The following GOLT1A variants were observed in gnomAD, a reference collection of about 807,000 sequenced individuals.
GOLT1A encodes golgi transport 1A, also known as vesicle transport protein GOT1A.
Under a neutral mutation model 16.1 loss-of-function variants are expected in GOLT1A, and 10 were observed. That is an observed-to-expected ratio of 0.62 (90% CI 0.38 to 1.05). The LOEUF is 1.05. GOLT1A is among the 50% of genes least tolerant of loss of function. GOLT1A has a pLI of 0.01. For synonymous variants in GOLT1A, 60 were observed against 67.9 expected, an observed-to-expected ratio of 0.88 and a Z score of 0.57; for missense variants, 137 against 165.7, an observed-to-expected ratio of 0.83 and a Z score of 0.95.
intron 1 of GOLT1A, among the ~76,000 whole-genome samples, chr1:204,209,894 C>A (rs1439851571): frequency 6.6e-6 from 1 of 152,086 alleles, no homozygotes; most frequent in East Asian, 1.9e-4. Flanking sequence ...CCCGTCTCTA[C>A]TAAAAATACA....
At position 204,213,899 on chromosome 1, in the gene GOLT1A, G is replaced by A; in HGVS notation, c.8C>T (p.Ser3Phe). Residue 3 changes from serine (S) to phenylalanine (F), a missense_variant, in exon 1 of 5, where the codon TCC (serine) becomes TTC (phenylalanine). By Grantham distance (155) the Ser-to-Phe change is radical. Coordinates refer to ENST00000308302, the MANE Select transcript of GOLT1A (RefSeq NM_198447.2). ...CCACTTACTCTGCCATTCGGTGATG[G>A]AGATCATGCCGCACTCAGCCTGGGG... MI[S>F]ITEWQKIGVG... is the part of the protein sequence containing the mutation. The A allele has an allele frequency of 6.2e-7, 1 of 1,613,404 alleles. No individual in the cohort carries two copies. Among genetic ancestry groups the A allele is most frequent in the African/African-American group, 1.3e-5 (1 of 75,070 alleles).
At chr1:204,201,524 C>T in intron 3 of GOLT1A, 109 bp downstream of exon 3, 1 of 1,149,718 alleles carries the variant, frequency 8.7e-7, no homozygotes, top group South Asian at 1.5e-5. Context: ...GTCCATGGTT[C>T]TCATCTCTTG....
chr1:204,212,941 G>A (rs1659162271), intron 1 of GOLT1A, among the ~76,000 whole-genome samples: 1 of 152,052 alleles, frequency 6.6e-6, no homozygotes, highest in Non-Finnish European at 1.5e-5. Context: ...TGCACTGCCT[G>A]TCCCTGCTTC....
At chr1:204,210,143 C>T (rs1413515397) in intron 1 of GOLT1A, among the ~76,000 whole-genome samples, 2 of 152,228 alleles carry the variant, frequency 1.3e-5, no homozygotes, top group Non-Finnish European at 2.9e-5. Context: ...AATGCTCTTG[C>T]CTTGGCCATT....
At position 204,201,764 on chromosome 1, in the gene GOLT1A, G is replaced by A; in HGVS notation, c.165C>T (p.Thr55=). The change falls in exon 3 of 5, where the codon ACC becomes ACT. Residue 55 remains threonine (T), a synonymous_variant. Coordinates refer to ENST00000308302, the MANE Select transcript of GOLT1A (RefSeq NM_198447.2). ...TGTGCCGTTGGAAGAAGAACCAAAA[G>A]GTCTTCCTCAGGCCAATGATGAGGG... ...GLSLIIGLRK[T]FWFFFQRHKL... The A allele has an allele frequency of 6.2e-7, 1 of 1,614,152 alleles. No individual in the cohort carries two copies. Among genetic ancestry groups the A allele is most frequent in the East Asian group, 2.2e-5 (1 of 44,878 alleles).
rs1571671092 is a variant in GOLT1A, at chr1:204,199,273, G to A, written c.297-15C>T. 1.3e-6 allele frequency: 2 copies of A among 1,591,454 alleles called. No individual in the cohort carries two copies. Among genetic ancestry groups the A allele is most frequent in the Non-Finnish European group, 1.7e-6 (2 of 1,168,270 alleles). On this transcript the variant is annotated splice_polypyrimidine_tract_variant and intron_variant, in intron 3 of 4. Transcript: ENST00000308302. ...GGAAAAAGCCCCTAGGAGCAGAGGG[G>A]AGAAGGGAGGAGTCAGTGATGGCCC...
chr1:204,202,854 G>T (rs775335688), intron 2 of GOLT1A, 42 bp downstream of exon 2: 2 of 1,406,796 alleles, frequency 1.4e-6, no homozygotes, highest in South Asian at 1.2e-5. Flanking sequence ...ACTTCAGAAA[G>T]GTTGGGGCAG....
chr1:204,200,299 G>GTGTGTGTATATATATATATA, intron 3 of GOLT1A, among the ~76,000 whole-genome samples: 1 of 82,682 alleles, frequency 1.2e-5, no homozygotes, highest in African/African-American at 5.5e-5. Context: ...ACATATATGT[G>GTGTGTGTATATATATATATA]TATATATATA....
intron 1 of GOLT1A, among the ~76,000 whole-genome samples, chr1:204,209,071 G>A (rs377628166): frequency 6.6e-6 from 1 of 152,110 alleles, no homozygotes; most frequent in Non-Finnish European, 1.5e-5. Flanking sequence ...ACAGCTCCTT[G>A]GTCTTTCCTT....
chr1:204,199,160 G>A, intron 4 of GOLT1A, 35 bp downstream of exon 4: 1 of 1,544,106 alleles, frequency 6.5e-7, no homozygotes, highest in South Asian at 1.2e-5. Flanking sequence ...ACTCCCCAGG[G>A]TACGCCCGCA....
intron 1 of GOLT1A, among the ~76,000 whole-genome samples, chr1:204,206,413 G>A (rs1659039936): frequency 6.6e-6 from 1 of 152,212 alleles, no homozygotes; most frequent in Admixed American, 6.5e-5. Context: ...TCATGATGAA[G>A]GTTGTGTTTT....
intron 1 of GOLT1A, among the ~76,000 whole-genome samples, chr1:204,208,472 G>GTA (rs1317319058): frequency 8.3e-4 from 24 of 28,824 alleles, no homozygotes; most frequent in African/African-American, 2.2e-3. Context: ...GTGTGTGTGT[G>GTA]TGTGTATATA....
At chr1:204,207,759 T>C (rs945472877) in intron 1 of GOLT1A, among the ~76,000 whole-genome samples, 2 of 152,190 alleles carry the variant, frequency 1.3e-5, no homozygotes, top group African/African-American at 4.8e-5. Flanking sequence ...AGAATATTTT[T>C]CTTGAACCAT....
chr1:204,213,721 A>AC (rs776106053), intron 1 of GOLT1A, among the ~76,000 whole-genome samples, 161 bp downstream of exon 1: 56 of 151,958 alleles, frequency 3.7e-4, no homozygotes, highest in Middle Eastern at 3.4e-3. Flanking sequence ...AGGGAGCCAC[A>AC]CCCCACCCTG....
At chr1:204,201,868 G>C in intron 2 of GOLT1A, 57 bp from the exon 3 acceptor site, 86 of 1,504,574 alleles carry the variant, frequency 5.7e-5, no homozygotes, top group Non-Finnish European at 7.4e-5. Flanking sequence ...AGGAGTGAGG[G>C]ACTTAGGCCT....
intron 1 of GOLT1A, among the ~76,000 whole-genome samples, chr1:204,213,481 G>A (rs899750629): frequency 1.3e-5 from 2 of 152,232 alleles, no homozygotes; most frequent in African/African-American, 2.4e-5. Context: ...TTGGTCAGGG[G>A]AGTGGAGTTT....
intron 1 of GOLT1A, among the ~76,000 whole-genome samples, chr1:204,205,180 T>C (rs941240264): frequency 6.6e-6 from 1 of 152,222 alleles, no homozygotes; most frequent in Admixed American, 6.5e-5. Flanking sequence ...CTGATTGATG[T>C]CTTTTTTTTC....
intron 1 of GOLT1A, among the ~76,000 whole-genome samples, chr1:204,208,946 G>C (rs1659097956): frequency 6.6e-6 from 1 of 152,166 alleles, no homozygotes; most frequent in Admixed American, 6.5e-5. Context: ...CCAACCCTCA[G>C]ACTCCATTTA....
intron 1 of GOLT1A, among the ~76,000 whole-genome samples, chr1:204,203,986 T>C (rs1659003344): frequency 6.6e-6 from 1 of 152,200 alleles, no homozygotes; most frequent in Non-Finnish European, 1.5e-5. Context: ...TTGATAAACA[T>C]ATTTCAGATC....
Sources: gnomAD v4.1 joint callset for allele counts (sites outside exome capture counted in the v4.1 genomes callset) on GRCh38, gnomAD v4.1.1 for gene constraint, MANE v1.5 for transcripts, NCBI Gene and HGNC (gene_info 2026-07-23, HGNC 2026-07-21) for gene names.